Variants in METTL14 observed in about 807,000 individuals in gnomAD.
METTL14 encodes the protein methyltransferase 14, N6-adenosine-methyltransferase non-catalytic subunit.
A neutral mutation model predicts 62.4 loss-of-function variants in METTL14; 32 were observed. The ratio of observed to expected loss-of-function variants is 0.51; its 90% CI spans 0.39 to 0.69. METTL14 has a LOEUF of 0.69. Ranked by LOEUF, METTL14 falls within the 30% of genes least tolerant of loss-of-function variation. The pLI, the probability that METTL14 is intolerant of heterozygous loss-of-function variation, is 0.00. For synonymous variants in METTL14, 150 were observed against 180.0 expected (o/e 0.83, Z 1.34); for missense variants, 340 against 551.9 (o/e 0.62, Z 3.85).
chr4:118,701,108 C>T (rs534093606), intron 8 of METTL14, among the ~76,000 whole-genome samples: 1 of 151,164 alleles, frequency 6.6e-6, no homozygotes, highest in African/African-American at 2.4e-5. Flanking sequence ...AATACCTGAA[C>T]TTATTTTAAG....
intron 5 of METTL14, 148 bp downstream of exon 5, chr4:118,692,216 CTTTTCTT>C: frequency 2.0e-6 from 1 of 492,844 alleles, no homozygotes; most frequent in South Asian, 3.0e-5. Context: ...CCTTCTTTTT[CTTTTCTT>C]TTCTTTTTTT....
At chr4:118,697,098 C>A in intron 6 of METTL14, 84 bp from the exon 7 acceptor site, 1 of 1,001,880 alleles carries the variant, frequency 1.0e-6, no homozygotes, top group Non-Finnish European at 1.4e-6. Flanking sequence ...ACATTTCTTT[C>A]ATTACCATCT....
chr4:118,698,681 G>A (rs298977), intron 7 of METTL14, among the ~76,000 whole-genome samples: 38,337 of 151,802 alleles, frequency 0.25, 6,292 homozygotes, highest in East Asian at 0.51. Context: ...TGGGATAGGT[G>A]GATTGAATTA....
At chr4:118,686,794 T>C (rs886542630) in intron 1 of METTL14, 13 of 361,834 alleles carry the variant, frequency 3.6e-5, no homozygotes, top group Non-Finnish European at 7.1e-5. Flanking sequence ...CATAGGACAA[T>C]TATTTGTTTA....
chr4:118,707,856 G>A (rs1250292900), intron 10 of METTL14, among the ~76,000 whole-genome samples: 2 of 145,888 alleles, frequency 1.4e-5, no homozygotes, highest in East Asian at 2.0e-4. Context: ...TTTTTTTTGA[G>A]ACAGGTTCTC....
At position 118,713,965 on chromosome 4, in the gene METTL14, GATAAA is replaced by G. The variant is rs1724993355; in HGVS notation, c.*3667_*3671del. On this transcript the variant is annotated 3_prime_UTR_variant, in exon 11 of 11. Coordinates refer to ENST00000388822, the MANE Select transcript of METTL14 (RefSeq NM_020961.4). ...CCAGTAAACCCTTTTTCCACTACTG[GATAAA>G]ATATTAAAATGATCAGTTTGAGTGT... 1 of 152,080 alleles carries G rather than the reference GATAAA, an allele frequency of 6.6e-6. No homozygotes were observed. The highest frequency in any genetic ancestry group is 1.5e-5 in the Non-Finnish European group (1 of 68,032). 9.4% of individuals were successfully genotyped at this position (152,080 alleles called of 1,614,324 possible).
Position 118,711,104 on chromosome 4 carries a change from C to T in METTL14, c.*802C>T, listed in dbSNP as rs887605925. 1 of 152,078 alleles carries T rather than the reference C, an allele frequency of 6.6e-6. No individual in the cohort carries two copies. Among genetic ancestry groups the T allele is most frequent in the Admixed American group, 6.6e-5 (1 of 15,266 alleles). 9.4% of individuals were successfully genotyped at this position (152,078 alleles called of 1,614,324 possible). Reference sequence around the variant, plus strand: ...TAAAAGAGAGGCAGCGACAAGATACCTCATTATCAGATGCTTGGTTTATAC... The same window carrying T: ...TAAAAGAGAGGCAGCGACAAGATACTTCATTATCAGATGCTTGGTTTATAC... On this transcript the variant is annotated 3_prime_UTR_variant, in exon 11 of 11. Coordinates refer to ENST00000388822, the MANE Select transcript of METTL14 (RefSeq NM_020961.4).
At chr4:118,705,240 C>T (rs1724718924) in intron 9 of METTL14, among the ~76,000 whole-genome samples, 1 of 152,066 alleles carries the variant, frequency 6.6e-6, no homozygotes, top group Non-Finnish European at 1.5e-5. Context: ...TTTGGGAGGC[C>T]GAGGTAGGTA....
intron 6 of METTL14, among the ~76,000 whole-genome samples, chr4:118,696,457 A>T (rs1724415890): frequency 6.6e-6 from 1 of 152,106 alleles, no homozygotes; most frequent in Non-Finnish European, 1.5e-5. Flanking sequence ...ACTTGAGCCC[A>T]GGAGTTTGAG....
intron 8 of METTL14, among the ~76,000 whole-genome samples, chr4:118,703,294 A>T (rs1233570477): frequency 1.3e-5 from 2 of 152,132 alleles, no homozygotes; most frequent in African/African-American, 4.8e-5. Flanking sequence ...TTCAGTTGTC[A>T]CTGTGAGCAG....
At chr4:118,703,156 A>G (rs1724654291) in intron 8 of METTL14, among the ~76,000 whole-genome samples, 1 of 151,900 alleles carries the variant, frequency 6.6e-6, no homozygotes, top group Admixed American at 6.6e-5. Flanking sequence ...CTTGATCATC[A>G]TACCAGCAAT....
chr4:118,689,111 C>T (rs115267066), intron 2 of METTL14, among the ~76,000 whole-genome samples: 8,878 of 152,220 alleles, frequency 0.058, 301 homozygotes, highest in East Asian at 0.11. Flanking sequence ...TAAAATAATA[C>T]ATACTATATA....
At chr4:118,686,299 C>T (rs983541721) in intron 1 of METTL14, among the ~76,000 whole-genome samples, 7 of 152,240 alleles carry the variant, frequency 4.6e-5, no homozygotes, top group African/African-American at 1.4e-4. Context: ...CATTGTCCTT[C>T]ACTTCTTTCT....
chr4:118,704,322 C>T (rs1404430147), intron 9 of METTL14, among the ~76,000 whole-genome samples: 2 of 152,140 alleles, frequency 1.3e-5, no homozygotes, highest in Admixed American at 6.6e-5. Flanking sequence ...CTTTTGATCA[C>T]ACTCACCCGC....
In METTL14 at chr4:118,705,763, T is replaced by A; in HGVS notation, c.1008T>A (p.His336Gln). 1 of 1,614,158 alleles carries A rather than the reference T, an allele frequency of 6.2e-7. No homozygotes were observed. Among genetic ancestry groups the A allele is most frequent in the Non-Finnish European group, 8.5e-7 (1 of 1,179,998 alleles). The change falls in exon 10 of 11, where the codon CAT becomes CAA. Residue 336 changes from histidine (H) to glutamine (Q), a missense_variant. Physicochemically the swap from His to Gln is conservative, Grantham distance 24. Around this residue, in one of 7 missense-constraint regions of METTL14, gnomAD observed 62 missense variants for 82.3 expected, o/e 0.75. Coordinates refer to ENST00000388822, the MANE Select transcript of METTL14 (RefSeq NM_020961.4). Reference protein sequence around the residue: ...KPVEIFHIIEHFCLGRRRLHL... With the variant: ...KPVEIFHIIEQFCLGRRRLHL... The stretch of plus-strand genomic sequence containing the variant: ...TAGAAATTTTTCATATAATTGAGCA[T>A]TTTTGTCTTGGTAGAAGACGCCTTC...
chr4:118,693,772 G>A (rs1166213858), intron 5 of METTL14, among the ~76,000 whole-genome samples: 1 of 152,072 alleles, frequency 6.6e-6, no homozygotes, highest in African/African-American at 2.4e-5. Context: ...GTGATTAGAA[G>A]CTGACTCTGC....
chr4:118,700,086 A>G (rs1279676615), intron 7 of METTL14, among the ~76,000 whole-genome samples: 1 of 151,836 alleles, frequency 6.6e-6, no homozygotes, highest in Non-Finnish European at 1.5e-5. Flanking sequence ...CAAAATATGT[A>G]TATTGATTTA....
At chr4:118,687,743 T>C (rs115603058) in intron 1 of METTL14, among the ~76,000 whole-genome samples, 180 bp from the exon 2 acceptor site, 1,675 of 152,288 alleles carry the variant, frequency 0.011, 36 homozygotes, top group African/African-American at 0.037. Flanking sequence ...GCGGTTTTTT[T>C]CCAGAGTTTT....
Position 118,697,208 on chromosome 4 carries a change from T to G in METTL14, c.530T>G (p.Phe177Cys). 1 of 1,610,634 alleles carries G rather than the reference T, an allele frequency of 6.2e-7. No individual in the cohort carries two copies. The highest frequency in any genetic ancestry group is 8.5e-7 in the Non-Finnish European group (1 of 1,178,806). Residue 177 changes from phenylalanine (F) to cysteine (C), a missense_variant, in exon 7 of 11, where the codon TTT (phenylalanine) becomes TGT (cysteine). Coordinates refer to ENST00000388822, the MANE Select transcript of METTL14 (RefSeq NM_020961.4). The part of the protein sequence containing the change: ...PMYLQADIEA[F>C]DIRELTPKFD... ...TACTTACAAGCCGATATAGAAGCCT[T>G]TGACATCAGAGAACTAACACCCAAA...
Sources: gnomAD v4.1 joint callset for allele counts (sites outside exome capture counted in the v4.1 genomes callset) on GRCh38, gnomAD v4.1.1 for gene constraint, gnomAD v4.1.1 regional missense constraint, MANE v1.5 for transcripts, NCBI Gene and HGNC (gene_info 2026-07-23, HGNC 2026-07-21) for gene names.